IKZF1: variants seen among roughly 807,000 people sequenced by gnomAD.
IKZF1 encodes the protein DNA-binding protein Ikaros.
Under a neutral mutation model 51.7 loss-of-function variants are expected in IKZF1, and 10 were observed. The ratio of observed to expected loss-of-function variants is 0.19; its 90% CI spans 0.12 to 0.33. IKZF1 has a LOEUF of 0.33. Ranked by LOEUF, IKZF1 falls within the 10% of genes least tolerant of loss-of-function variation. IKZF1 has a pLI of 1.00. For synonymous variants in IKZF1, 280 were observed against 282.3 expected, an observed-to-expected ratio of 0.99 and a Z score of 0.08; for missense variants, 484 against 707.5, an observed-to-expected ratio of 0.68 and a Z score of 3.58.
At chr7:50,332,641 G>A (rs1796668311) in intron 3 of IKZF1, among the ~76,000 whole-genome samples, 1 of 152,214 alleles carries the variant, frequency 6.6e-6, no homozygotes, top group South Asian at 2.1e-4. Context: ...GGACTGAACT[G>A]GGACCATGAT....
chr7:50,348,041 T>C (rs1166320408), intron 3 of IKZF1, among the ~76,000 whole-genome samples: 1 of 152,066 alleles, frequency 6.6e-6, no homozygotes, highest in East Asian at 1.9e-4. Flanking sequence ...CAAGGGACAT[T>C]TTAGTGTAAC....
chr7:50,375,906 T>C (rs1046466871), intron 3 of IKZF1, among the ~76,000 whole-genome samples: 3 of 152,232 alleles, frequency 2.0e-5, no homozygotes, highest in African/African-American at 7.2e-5. Context: ...CAAATGGTCA[T>C]GTACCAAAGC....
chr7:50,383,867 A>C (rs1242059709), intron 5 of IKZF1, among the ~76,000 whole-genome samples: 1 of 152,222 alleles, frequency 6.6e-6, no homozygotes, highest in Non-Finnish European at 1.5e-5. Flanking sequence ...CTCTTCCCAA[A>C]TGTGATGCGT....
chr7:50,357,616 C>G (rs191517089), intron 3 of IKZF1, among the ~76,000 whole-genome samples: 1 of 152,258 alleles, frequency 6.6e-6, no homozygotes, highest in Non-Finnish European at 1.5e-5. Context: ...CTGGACAGAT[C>G]TTGGATTTTC....
intron 3 of IKZF1, among the ~76,000 whole-genome samples, chr7:50,350,159 C>T (rs973988238): frequency 3.9e-5 from 6 of 152,222 alleles, no homozygotes; most frequent in African/African-American, 4.8e-5. Context: ...GGCCTGGAGC[C>T]GGCTGCCCAC....
upstream of IKZF1, chr7:50,303,991 C>T (rs1788159980): frequency 6.9e-6 from 1 of 144,924 alleles, no homozygotes; most frequent in South Asian, 2.1e-4. The surrounding 1 kb of genome is among the most constrained non-coding windows in gnomAD (Gnocchi z 4.7). Context: ...CGCGATGCTG[C>T]GCTGGAATGA....
chr7:50,395,937 A>G (rs915212154), intron 7 of IKZF1, among the ~76,000 whole-genome samples: 1 of 152,324 alleles, frequency 6.6e-6, no homozygotes, highest in African/African-American at 2.4e-5. Flanking sequence ...CTGTGGAAAC[A>G]TCAAGTCTAG....
At chr7:50,368,942 G>T (rs961676865) in intron 3 of IKZF1, 2 of 221,238 alleles carry the variant, frequency 9.0e-6, no homozygotes, top group Non-Finnish European at 1.8e-5. Context: ...CTGACATCCT[G>T]GTTATCAAAA....
intron 6 of IKZF1, among the ~76,000 whole-genome samples, 167 bp downstream of exon 6, chr7:50,387,637 C>G (rs549144523): frequency 1.3e-5 from 2 of 152,168 alleles, no homozygotes; most frequent in South Asian, 4.1e-4. Flanking sequence ...ACCAGAAGCA[C>G]GTTGTGCTTC....
intron 1 of IKZF1, among the ~76,000 whole-genome samples, chr7:50,307,439 C>G (rs1167513395): frequency 1.3e-5 from 2 of 152,188 alleles, no homozygotes; most frequent in African/African-American, 4.8e-5. Flanking sequence ...GCCTCTGTTT[C>G]TAAGACTGAC....
intron 1 of IKZF1, among the ~76,000 whole-genome samples, chr7:50,306,799 A>G (rs1280356825): frequency 6.6e-6 from 1 of 152,132 alleles, no homozygotes; most frequent in Non-Finnish European, 1.5e-5. Context: ...GTTTGGATAC[A>G]TTTTTTGTTC....
In IKZF1 at chr7:50,362,564, G is replaced by A. The variant is rs535159992; in HGVS notation, c.161-13969G>A. Among the ~76,000 whole-genome samples the A allele has an allele frequency of 1.4e-3, 209 of 152,218 alleles. 1 individual carries two copies. Among genetic ancestry groups the A allele is most frequent in the African/African-American group, 4.7e-3 (196 of 41,540 alleles). ...GTAGATGTTATCTTTATCTGCGTGTGGCTTTCTACTAAAACATGAGCTACA... is the reference window on the plus strand; with the variant it reads ...GTAGATGTTATCTTTATCTGCGTGTAGCTTTCTACTAAAACATGAGCTACA... On this transcript the variant is annotated intron_variant, in intron 3 of 7. Coordinates refer to ENST00000331340, the MANE Select transcript of IKZF1 (RefSeq NM_006060.6).
chr7:50,383,614 A>G (rs1228799566), intron 5 of IKZF1, among the ~76,000 whole-genome samples: 2 of 152,188 alleles, frequency 1.3e-5, no homozygotes, highest in Non-Finnish European at 2.9e-5. Flanking sequence ...AGCATACTGC[A>G]TGAGACTTCG....
intron 3 of IKZF1, among the ~76,000 whole-genome samples, chr7:50,354,485 G>C (rs148999039): frequency 2.5e-3 from 379 of 152,326 alleles, no homozygotes; most frequent in South Asian, 0.014. Flanking sequence ...CCCCGTTATT[G>C]AACACAGGCC....
At chr7:50,304,082 C>T (rs1263393835), upstream of IKZF1, 11 of 144,448 alleles carry the variant, frequency 7.6e-5, no homozygotes, top group African/African-American at 2.5e-4. Context: ...CCGGCGCGGG[C>T]GAGCGGGCTG....
chr7:50,382,468 C>T lies in IKZF1; in HGVS notation c.422-72C>T, dbSNP rs945757348. The T allele has an allele frequency of 1.0e-5, 15 of 1,499,704 alleles. No individual in the cohort carries two copies. The African/African-American group carries it at 1.8e-4, about 18-fold the overall frequency. 92.9% of individuals were successfully genotyped at this position (1,499,704 alleles called of 1,614,324 possible). The stretch of plus-strand genomic sequence containing the variant: ...GTCACCAGGCCCCCGTGGGAAACAA[C>T]TTTCTCGTAGCATCGTCCTCATGTC... On this transcript the variant is annotated intron_variant, in intron 4 of 7. Transcript: ENST00000331340.
chr7:50,311,095 C>G (rs1213828138), intron 1 of IKZF1, among the ~76,000 whole-genome samples: 3 of 152,124 alleles, frequency 2.0e-5, no homozygotes, highest in Admixed American at 2.0e-4. Context: ...GTGTCGTAAA[C>G]AAAACAGAGG....
At chr7:50,358,451 G>T (rs774028226) in intron 3 of IKZF1, among the ~76,000 whole-genome samples, 18 of 152,352 alleles carry the variant, frequency 1.2e-4, no homozygotes, top group African/African-American at 4.3e-4. Flanking sequence ...TTTCCTGAGC[G>T]CCAGCTAATG....
chr7:50,321,601 G>T (rs1245465062), intron 2 of IKZF1, among the ~76,000 whole-genome samples: 2 of 152,148 alleles, frequency 1.3e-5, no homozygotes, highest in Non-Finnish European at 2.9e-5. Flanking sequence ...TTTGCATGGT[G>T]CATTTAAAGA....
Sources: gnomAD v4.1 joint callset for allele counts (sites outside exome capture counted in the v4.1 genomes callset) on GRCh38, gnomAD v4.1.1 for gene constraint, Gnocchi (gnomAD v3.1) non-coding constraint, MANE v1.5 for transcripts, NCBI Gene and HGNC (gene_info 2026-07-23, HGNC 2026-07-21) for gene names.